Variants in ABLIM1 observed in about 807,000 individuals in gnomAD.
ABLIM1 encodes actin-binding LIM protein 1.
In ABLIM1, 40 loss-of-function variants were observed where a neutral mutation model predicts 107.0. That is an observed-to-expected ratio of 0.37 (90% CI 0.29 to 0.49). ABLIM1 has a LOEUF of 0.49. ABLIM1 is among the 20% of genes least tolerant of loss of function. ABLIM1 has a pLI of 0.97. For missense variants in ABLIM1, 857 were observed against 1,008.5 expected (o/e 0.85, Z 2.04); for synonymous variants, 357 against 357.3 (o/e 1.00, Z 0.01).
chr10:114,600,942 G>T (rs1032539315), intron 2 of ABLIM1, among the ~76,000 whole-genome samples: 1 of 152,052 alleles, frequency 6.6e-6, no homozygotes, highest in African/African-American at 2.4e-5. Context: ...ACCCCAAAAG[G>T]TAGGCTTGTT....
the ABLIM1 span, among the ~76,000 whole-genome samples, chr10:114,782,916 C>T: frequency 6.6e-6 from 1 of 152,038 alleles, no homozygotes; most frequent in Admixed American, 6.6e-5. Flanking sequence ...CTTAGGTTTC[C>T]GGCTTCAGTG....
intron 1 of ABLIM1, among the ~76,000 whole-genome samples, chr10:114,710,175 G>A (rs1015555223): frequency 5.9e-5 from 9 of 152,182 alleles, no homozygotes; most frequent in Admixed American, 5.2e-4. Context: ...GAGTGACTCA[G>A]TAGGGCTTTG....
rs139586480 is a variant in ABLIM1 at position 114,629,606 on chromosome 10, A to T, written c.245-27645T>A. Among the ~76,000 whole-genome samples, 457 of 152,258 alleles carry T rather than the reference A, an allele frequency of 3.0e-3. 9 individuals are homozygous for T. Among genetic ancestry groups the T allele is most frequent in the Admixed American group, 0.019 (293 of 15,290 alleles). On this transcript the variant is annotated intron_variant, in intron 1 of 22. Coordinates refer to ENST00000533213, the MANE Select transcript of ABLIM1 (RefSeq NM_002313.7). This position sits in a 1 kb window ranked among gnomAD's most constrained non-coding sequence, Gnocchi z 4.0. The stretch of plus-strand genomic sequence containing the variant: ...TGACAGAGATAGCAGCTGTCAACAC[A>T]CTGGCAATTGTGGTCTCTCATCCAC...
intron 1 of ABLIM1, among the ~76,000 whole-genome samples, chr10:114,617,606 G>A (rs73362841): frequency 0.025 from 3,758 of 151,948 alleles, 162 homozygotes; most frequent in African/African-American, 0.087. Flanking sequence ...TATCTGCAAG[G>A]GACCTCGGGC....
chr10:114,601,587 T>G (rs925782361), intron 2 of ABLIM1: 2 of 615,618 alleles, frequency 3.2e-6, no homozygotes, highest in Non-Finnish European at 5.8e-6. Context: ...TGTTAGTCCC[T>G]TCTTCCAGGA....
intron 1 of ABLIM1, among the ~76,000 whole-genome samples, chr10:114,761,218 C>CAGATACATTTT (rs1175824243): frequency 1.3e-5 from 2 of 151,342 alleles, no homozygotes; most frequent in Non-Finnish European, 2.9e-5. Flanking sequence ...TATCAACTAG[C>CAGATACATTTT]AGATACATTT....
chr10:114,664,943 C>T (rs973822572), intron 1 of ABLIM1, among the ~76,000 whole-genome samples: 1 of 151,322 alleles, frequency 6.6e-6, no homozygotes, highest in Non-Finnish European at 1.5e-5. Context: ...AAGGTGAAAC[C>T]CCATCTCTAC....
chr10:114,464,573 C>T (rs757729097), intron 12 of ABLIM1, among the ~76,000 whole-genome samples: 52 of 151,946 alleles, frequency 3.4e-4, no homozygotes, highest in Admixed American at 2.4e-3. Flanking sequence ...ATATAATAGC[C>T]CATGAAATAA....
At chr10:114,723,516 G>A (rs1323638717) in intron 1 of ABLIM1, among the ~76,000 whole-genome samples, 1 of 152,202 alleles carries the variant, frequency 6.6e-6, no homozygotes, top group Non-Finnish European at 1.5e-5. Context: ...AAAGGGCTGA[G>A]GGGAAAGGGC....
intron 1 of ABLIM1, among the ~76,000 whole-genome samples, chr10:114,693,026 C>T (rs914490067): frequency 1.3e-5 from 2 of 152,226 alleles, no homozygotes; most frequent in Non-Finnish European, 2.9e-5. Context: ...GCAAATACTC[C>T]TCCCTAACAC....
chr10:114,676,923 A>G (rs1046287787), intron 1 of ABLIM1, among the ~76,000 whole-genome samples: 3 of 152,128 alleles, frequency 2.0e-5, no homozygotes, highest in Non-Finnish European at 2.9e-5. Flanking sequence ...TTTAGTACAG[A>G]CGGGGTTTCT....
At chr10:114,670,493 CT>C (rs370418543) in intron 1 of ABLIM1, among the ~76,000 whole-genome samples, 1 of 152,130 alleles carries the variant, frequency 6.6e-6, no homozygotes, top group Admixed American at 6.6e-5. Flanking sequence ...AGCCAATTTT[CT>C]TTTTTTGTTT....
chr10:114,465,627 C>G, intron 12 of ABLIM1, 71 bp downstream of exon 12: 1 of 1,566,474 alleles, frequency 6.4e-7, no homozygotes, highest in Non-Finnish European at 8.7e-7. Flanking sequence ...AATGTGCTAT[C>G]AATAGTAGGG....
intron 1 of ABLIM1, among the ~76,000 whole-genome samples, chr10:114,622,967 T>C (rs2077561764): frequency 6.6e-6 from 1 of 152,160 alleles, no homozygotes; most frequent in South Asian, 2.1e-4. Flanking sequence ...TTCCCTTTTT[T>C]TCGTTTGTTT....
intron 18 of ABLIM1, among the ~76,000 whole-genome samples, 153 bp from the exon 19 acceptor site, chr10:114,441,230 T>C (rs2060151653): frequency 6.6e-6 from 1 of 152,170 alleles, no homozygotes; most frequent in Non-Finnish European, 1.5e-5. Flanking sequence ...CTTCTACTGC[T>C]ATGCCATCTC....
At chr10:114,651,664 A>C (rs11196834) in intron 1 of ABLIM1, among the ~76,000 whole-genome samples, 12,424 of 152,226 alleles carry the variant, frequency 0.082, 991 homozygotes, top group East Asian at 0.44. Flanking sequence ...GGGAATTGAA[A>C]AGGGGTTATT....
chr10:114,607,655 CA>C (rs2076517918), intron 1 of ABLIM1, among the ~76,000 whole-genome samples: 1 of 152,246 alleles, frequency 6.6e-6, no homozygotes, highest in Admixed American at 6.5e-5. Flanking sequence ...AAAAACAAAA[CA>C]AAACAAAACC....
intron 1 of ABLIM1, among the ~76,000 whole-genome samples, chr10:114,615,796 C>G (rs2077094337): frequency 6.6e-6 from 1 of 150,402 alleles, no homozygotes; most frequent in South Asian, 2.1e-4. Flanking sequence ...ATAAAAGACT[C>G]ATTTAAGTCT....
rs77687106 is a variant in ABLIM1, at chr10:114,757,970, G to C, written c.-213+10091C>G. On this transcript the variant is annotated intron_variant, in intron 1 of 15. Transcript: ENST00000651092. ...TGCCTCCTGGTCCTGACAGCTCTCA[G>C]GGCCTTGGAATTGCTCATCTCACTG... 8.1e-3 allele frequency among the ~76,000 whole-genome samples: 1,231 copies of C among 152,080 alleles called. 46 individuals carry two copies. The highest frequency in any genetic ancestry group is 0.055 in the Admixed American group (847 of 15,264).
Sources: allele counts gnomAD v4.1 joint callset (sites outside exome capture counted in the v4.1 genomes callset), GRCh38; gene constraint gnomAD v4.1.1; non-coding constraint Gnocchi (gnomAD v3.1); transcripts MANE v1.5; gene names NCBI Gene and HGNC (gene_info 2026-07-23, HGNC 2026-07-21).